Variants in HPS4 observed in about 807,000 individuals in gnomAD.
HPS4 encodes the protein BLOC-3 complex member HPS4.
In HPS4, 44 loss-of-function variants were observed where a neutral mutation model predicts 70.3. That is an observed-to-expected ratio of 0.63 (90% CI 0.49 to 0.80). The LOEUF (loss-of-function observed/expected upper bound fraction) is 0.80. Among genes scored for constraint, HPS4 ranks in the 30% least tolerant of loss-of-function variants. The pLI is 0.00. For synonymous variants in HPS4, 377 were observed against 355.9 expected (o/e 1.06, Z -0.67); for missense variants, 873 against 884.4 (o/e 0.99, Z 0.16).
chr22:26,476,856 G>A (rs2090616101), intron 4 of HPS4, 137 bp downstream of exon 4: 5 of 888,948 alleles, frequency 5.6e-6, no homozygotes, highest in South Asian at 1.4e-5. Context: ...ACCACAGGAA[G>A]CGAGGGTGAT....
Position 26,458,523 on chromosome 22 carries a change from G to A in HPS4, c.1768C>T (p.Leu590=), listed in dbSNP as rs2146378184. The A allele has an allele frequency of 1.9e-6, 3 of 1,614,128 alleles. No individual in the cohort carries two copies. The highest frequency in any genetic ancestry group is 1.6e-4 in the Middle Eastern group (1 of 6,062). Reference sequence around the variant, plus strand: ...GTGGAGGCTGCCTCATCCCTGGGCAGCGTCTCTTTCAGGTGGACTTCCAGC... The same window carrying A: ...GTGGAGGCTGCCTCATCCCTGGGCAACGTCTCTTTCAGGTGGACTTCCAGC... The part of the protein sequence containing the change: ...NGLEVHLKET[L]PRDEAASTSS... Residue 590 remains leucine (L), a synonymous_variant, in exon 12 of 14, where the codon CTG becomes TTG. Coordinates refer to ENST00000398145, the MANE Select transcript of HPS4 (RefSeq NM_022081.6).
chr22:26,457,797 C>T (rs1452986948), intron 13 of HPS4, 62 bp downstream of exon 13: 2 of 1,266,230 alleles, frequency 1.6e-6, no homozygotes, highest in Non-Finnish European at 2.3e-6. Context: ...CTGGGCCCCA[C>T]AGGTGGTTCC....
intron 13 of HPS4, among the ~76,000 whole-genome samples, chr22:26,454,289 T>C (rs1368298188): frequency 6.6e-6 from 1 of 152,212 alleles, no homozygotes; most frequent in Non-Finnish European, 1.5e-5. Context: ...CGAGGCCAGA[T>C]GGTTATGAGC....
intron 4 of HPS4, among the ~76,000 whole-genome samples, chr22:26,473,227 G>C (rs945810755): frequency 2.0e-5 from 3 of 152,106 alleles, no homozygotes; most frequent in Non-Finnish European, 4.4e-5. Flanking sequence ...ATCTCCATGA[G>C]GTCTGTTCTA....
chr22:26,462,530 C>T (rs1002075533), intron 11 of HPS4, among the ~76,000 whole-genome samples: 4 of 152,188 alleles, frequency 2.6e-5, no homozygotes, highest in Non-Finnish European at 4.4e-5. Context: ...TTGGCTAAAA[C>T]GAGAGATGCG....
In HPS4 at chr22:26,479,280, G is replaced by A. The variant is rs760897880; in HGVS notation, c.117C>T (p.Tyr39=). The A allele has an allele frequency of 1.2e-6, 2 of 1,614,128 alleles. No individual in the cohort carries two copies. Among genetic ancestry groups the A allele is most frequent in the Non-Finnish European group, 8.5e-7 (1 of 1,180,004 alleles). The stretch of plus-strand genomic sequence containing the variant: ...TGTGGCTTACCTGGGAAGGATAAAA[G>A]TAACAAATGCCAGCTCTTGTTGGAT... ...EGDPTRAGIC[Y]FYPSQTLLDQ... The change falls in exon 3 of 14, where the codon TAC becomes TAT. Residue 39 remains tyrosine (Y), a synonymous_variant. Transcript: ENST00000398145.
intron 13 of HPS4, among the ~76,000 whole-genome samples, chr22:26,456,531 T>C (rs1455880145): frequency 6.6e-6 from 1 of 152,134 alleles, no homozygotes; most frequent in Non-Finnish European, 1.5e-5. Context: ...TGGTGGCAGG[T>C]GCCTGTAGTC....
chr22:26,450,615 T>C (rs369843364), downstream of HPS4, among the ~76,000 whole-genome samples: 11 of 152,322 alleles, frequency 7.2e-5, no homozygotes, highest in African/African-American at 2.6e-4. Context: ...CACCCAAATC[T>C]CATTTTGTAG....
chr22:26,470,594 T>C (rs765166028), intron 7 of HPS4, 125 bp downstream of exon 7: 56 of 862,188 alleles, frequency 6.5e-5, no homozygotes, highest in Non-Finnish European at 9.2e-5. Flanking sequence ...CTACCTGATA[T>C]TTGCCGAACC....
At chr22:26,479,617 C>T (rs374236463) in intron 2 of HPS4, 37 of 1,325,796 alleles carry the variant, frequency 2.8e-5, no homozygotes, top group African/African-American at 7.4e-5. Context: ...GAAAAAAAAA[C>T]GAGGCGCCCA....
At chr22:26,478,045 A>G (rs1406856347) in intron 3 of HPS4, among the ~76,000 whole-genome samples, 5 of 152,240 alleles carry the variant, frequency 3.3e-5, no homozygotes, top group African/African-American at 1.2e-4. Flanking sequence ...GAAGAGCAGA[A>G]TAAGTAATAT....
chr22:26,471,006 A>G, intron 6 of HPS4, 193 bp from the exon 7 acceptor site: 1 of 1,200,230 alleles, frequency 8.3e-7, no homozygotes. Flanking sequence ...AACTGCTGAC[A>G]CCACTAAATG....
chr22:26,461,464 T>A (rs968403350), intron 11 of HPS4, among the ~76,000 whole-genome samples: 2 of 152,076 alleles, frequency 1.3e-5, no homozygotes, highest in Admixed American at 6.5e-5. Flanking sequence ...CCCTCCTGGC[T>A]GCTCCACCCA....
At chr22:26,467,467 G>A (rs1395921871) in intron 8 of HPS4, 1 of 152,188 alleles carries the variant, frequency 6.6e-6, no homozygotes, top group Non-Finnish European at 1.5e-5. Context: ...CAAGTTTTGA[G>A]TATAAATTTT....
rs111254546 is a variant in HPS4, at chr22:26,477,418, G to A, written c.133-282C>T. 8.3e-4 allele frequency among the ~76,000 whole-genome samples: 127 copies of A among 152,282 alleles called. 1 individual carries two copies. The highest frequency in any genetic ancestry group is 2.9e-3 in the African/African-American group (119 of 41,562). On this transcript the variant is annotated intron_variant, in intron 3 of 13. Transcript: ENST00000398145. ...TGACTGAACCCTAAGAGAACACCCAGCAGGAACACATGCGATGACTGCACA... is the reference window on the plus strand; with the variant it reads ...TGACTGAACCCTAAGAGAACACCCAACAGGAACACATGCGATGACTGCACA...
At chr22:26,445,421 G>A (rs2084922030) in intron 3 of HPS4, among the ~76,000 whole-genome samples, 1 of 152,222 alleles carries the variant, frequency 6.6e-6, no homozygotes, top group African/African-American at 2.4e-5. Flanking sequence ...CGGGTCACTA[G>A]AATTGATCGT....
intron 3 of HPS4, among the ~76,000 whole-genome samples, chr22:26,445,856 G>T (rs1483453765): frequency 6.6e-6 from 1 of 152,178 alleles, no homozygotes; most frequent in African/African-American, 2.4e-5. Flanking sequence ...GAAGAAACAT[G>T]TCCCTCAGTA....
downstream of HPS4, among the ~76,000 whole-genome samples, chr22:26,448,374 G>A (rs192666150): frequency 2.5e-3 from 383 of 152,358 alleles, 1 homozygote; most frequent in Non-Finnish European, 4.7e-3. Flanking sequence ...GCAGAGCTGC[G>A]ATTTGAACCC....
intron 9 of HPS4, 141 bp downstream of exon 9, chr22:26,466,085 G>A (rs1399251117): frequency 3.2e-6 from 5 of 1,585,296 alleles, no homozygotes; most frequent in Non-Finnish European, 4.3e-6. Context: ...GATTCTTGAA[G>A]CTCCATAACA....
Sources: gnomAD v4.1 joint callset for allele counts (sites outside exome capture counted in the v4.1 genomes callset) on GRCh38, gnomAD v4.1.1 for gene constraint, MANE v1.5 for transcripts, NCBI Gene and HGNC (gene_info 2026-07-23, HGNC 2026-07-21) for gene names.